EYS: variants seen among roughly 807,000 people sequenced by gnomAD.
The protein encoded by EYS is protein eyes shut homolog.
In EYS, 250 loss-of-function variants were observed where a neutral mutation model predicts 282.1. The observed-to-expected ratio is 0.89, with a 90% CI of 0.80 to 0.98. EYS has a LOEUF of 0.98. EYS is among the 50% of genes least tolerant of loss of function. The pLI is 0.00. For missense variants in EYS, 4,016 were observed against 3,709.0 expected (o/e 1.08, Z -2.15); for synonymous variants, 1,355 against 1,282.9 (o/e 1.06, Z -1.20).
At chr6:65,370,830 T>C (rs1562128984) in intron 8 of EYS, among the ~76,000 whole-genome samples, 2 of 151,946 alleles carry the variant, frequency 1.3e-5, no homozygotes, top group Non-Finnish European at 2.9e-5. Flanking sequence ...AATTTGCCTT[T>C]AGGGCAATTT....
chr6:65,095,978 A>G (rs774058902), intron 12 of EYS, among the ~76,000 whole-genome samples: 1 of 151,102 alleles, frequency 6.6e-6, no homozygotes, highest in Admixed American at 6.6e-5. Flanking sequence ...AATAAATGCC[A>G]TCCAAATCAG....
In EYS at chr6:64,292,677, C is replaced by T. The variant is rs928981264; in HGVS notation, c.6191+14293G>A. Among the ~76,000 whole-genome samples, 4 of 151,916 alleles carry T rather than the reference C, an allele frequency of 2.6e-5. No individual in the cohort carries two copies. The East Asian group carries it at 7.7e-4, about 29-fold the overall frequency. ...CTGACCTCTTCTTTGTGACCCCTCC[C>T]CAACCAAATTTTGTGTTAGTTGCTT... On this transcript the variant is annotated intron_variant, in intron 30 of 42. Transcript: ENST00000503581.
At chr6:64,694,851 T>A (rs550750917) in intron 22 of EYS, among the ~76,000 whole-genome samples, 1 of 152,196 alleles carries the variant, frequency 6.6e-6, no homozygotes, top group African/African-American at 2.4e-5. Flanking sequence ...AGTTTCACGG[T>A]CTGAAGACAA....
intron 29 of EYS, among the ~76,000 whole-genome samples, chr6:64,363,211 G>A (rs377008287): frequency 2.0e-5 from 3 of 151,762 alleles, no homozygotes; most frequent in East Asian, 2.0e-4. Flanking sequence ...TTTCAATGTC[G>A]ATTTAATCAA....
At chr6:65,191,865 G>A (rs1044342479) in intron 12 of EYS, among the ~76,000 whole-genome samples, 7 of 151,802 alleles carry the variant, frequency 4.6e-5, no homozygotes, top group Non-Finnish European at 1.0e-4. Context: ...ATGCTGCCTT[G>A]TGCCATTTAC....
chr6:65,062,762 T>C (rs1332326536), intron 12 of EYS, among the ~76,000 whole-genome samples: 1 of 151,994 alleles, frequency 6.6e-6, no homozygotes, highest in Non-Finnish European at 1.5e-5. Context: ...CTCATTCTTA[T>C]CCAGTTTTTG....
intron 26 of EYS, among the ~76,000 whole-genome samples, chr6:64,589,556 A>C (rs17217952): frequency 6.6e-6 from 1 of 151,964 alleles, no homozygotes; most frequent in Non-Finnish European, 1.5e-5. Flanking sequence ...CAAGGGGAGA[A>C]TAGTGATTTA....
chr6:65,402,774 C>T (rs1423460044), intron 6 of EYS, among the ~76,000 whole-genome samples, 169 bp from the exon 7 acceptor site: 1 of 152,030 alleles, frequency 6.6e-6, no homozygotes, highest in African/African-American at 2.4e-5. Flanking sequence ...ACACCATCTC[C>T]CATCTCACAC....
intron 33 of EYS, among the ~76,000 whole-genome samples, chr6:64,010,144 C>G (rs1256127363): frequency 4.6e-5 from 7 of 152,126 alleles, no homozygotes; most frequent in Non-Finnish European, 1.0e-4. Flanking sequence ...TGAGATATTT[C>G]CAGTCCGCTG....
In EYS at chr6:65,634,085, T is replaced by A. The variant is rs187930866; in HGVS notation, c.-333+5693A>T. 7.9e-4 allele frequency among the ~76,000 whole-genome samples: 120 copies of A among 152,372 alleles called. 1 individual carries two copies. Among genetic ancestry groups the A allele is most frequent in the Non-Finnish European group, 1.4e-3 (94 of 68,034 alleles). ...AATAAACAGACTTGACTGGCTTGGC[T>A]CTTCTTTTCTTTGTCCCTTTCCTAT... On this transcript the variant is annotated intron_variant, in intron 2 of 42. Coordinates refer to ENST00000503581, the MANE Select transcript of EYS (RefSeq NM_001142800.2).
chr6:65,461,353 A>G (rs1182087138), intron 5 of EYS, among the ~76,000 whole-genome samples: 2 of 152,138 alleles, frequency 1.3e-5, no homozygotes, highest in Non-Finnish European at 2.9e-5. Flanking sequence ...TTTGTTAGTC[A>G]TAGATAAGAC....
chr6:65,577,961 A>G (rs935461126), intron 2 of EYS, among the ~76,000 whole-genome samples: 2 of 151,880 alleles, frequency 1.3e-5, no homozygotes, highest in African/African-American at 4.8e-5. Context: ...AGAAAAGGGA[A>G]CAACTGTACA....
chr6:65,311,737 T>C, intron 11 of EYS, among the ~76,000 whole-genome samples: 1 of 152,226 alleles, frequency 6.6e-6, no homozygotes. Flanking sequence ...ACAATATTTA[T>C]CCTCTGTCCC....
At chr6:64,713,334 A>G (rs907439270) in intron 22 of EYS, 4 of 152,228 alleles carry the variant, frequency 2.6e-5, no homozygotes, top group Middle Eastern at 3.4e-3. Flanking sequence ...ATTGTCACCT[A>G]TAGTCTCAGC....
In EYS at chr6:65,057,667, G is replaced by A; in HGVS notation, c.2084C>T (p.Thr695Ile). 1.3e-6 allele frequency: 2 copies of A among 1,551,152 alleles called. No homozygotes were observed. Among genetic ancestry groups the A allele is most frequent in the Non-Finnish European group, 1.7e-6 (2 of 1,146,704 alleles). ...GTAATTACCAGGTTGGTCAATGCAG[G>A]TGGCTCCATTTTTGCAGGGATGTGA... ...CASHPCKNGA[T>I]CIDQPGNYFC... The change falls in exon 13 of 43, where the codon ACC (threonine) becomes ATC (isoleucine). Residue 695 changes from threonine to isoleucine, a missense_variant. Thr to Ile is a moderately conservative substitution (Grantham distance 89). Coordinates refer to ENST00000503581, the MANE Select transcript of EYS (RefSeq NM_001142800.2).
At chr6:65,631,051 T>C (rs1766892346) in intron 2 of EYS, among the ~76,000 whole-genome samples, 1 of 152,242 alleles carries the variant, frequency 6.6e-6, no homozygotes, top group African/African-American at 2.4e-5. Flanking sequence ...ATTTAAATTA[T>C]TAAGAAATAG....
chr6:64,137,285 G>A (rs1038564321), intron 31 of EYS, among the ~76,000 whole-genome samples: 4 of 152,104 alleles, frequency 2.6e-5, no homozygotes, highest in African/African-American at 7.2e-5. Context: ...TGATCCATCT[G>A]GACCAAACTT....
In EYS at chr6:63,856,886, G is replaced by C. The variant is rs1163936679; in HGVS notation, c.7228+7300C>G. ...AGAAATCCTGGTTTTGTTTGAGAAG[G>C]AGTCTAAGAGTTTATGAACAAAATC... On this transcript the variant is annotated intron_variant, in intron 36 of 42. Transcript: ENST00000503581. Among the ~76,000 whole-genome samples the C allele has an allele frequency of 3.3e-5, 5 of 152,160 alleles. No individual in the cohort carries two copies. In the East Asian group the frequency reaches 7.7e-4, roughly 24 times the overall value.
At chr6:64,245,410 G>A (rs935801175) in intron 30 of EYS, among the ~76,000 whole-genome samples, 13 of 149,256 alleles carry the variant, frequency 8.7e-5, no homozygotes, top group Admixed American at 7.3e-4. Flanking sequence ...TCCTGGCTGG[G>A]CTCAAGCGAT....
Sources: gnomAD v4.1 joint callset for allele counts (sites outside exome capture counted in the v4.1 genomes callset) on GRCh38, gnomAD v4.1.1 for gene constraint, MANE v1.5 for transcripts, NCBI Gene and HGNC (gene_info 2026-07-23, HGNC 2026-07-21) for gene names.